KCNG2: variants seen among roughly 807,000 people sequenced by gnomAD.
The protein encoded by KCNG2 is voltage-gated potassium channel regulatory subunit KCNG2.
In KCNG2, 7 loss-of-function variants were observed where a neutral mutation model predicts 12.3. The ratio of observed to expected loss-of-function variants is 0.57; its 90% CI spans 0.32 to 1.07. The LOEUF is 1.07. Ranked by LOEUF, KCNG2 falls within the 50% of genes least tolerant of loss-of-function variation. KCNG2 has a pLI of 0.04. For missense variants in KCNG2, 703 were observed against 726.0 expected (o/e 0.97, Z 0.36); for synonymous variants, 414 against 351.4 (o/e 1.18, Z -1.99).
intron 1 of KCNG2, among the ~76,000 whole-genome samples, chr18:79,839,404 G>A (rs1978393859): frequency 6.6e-6 from 1 of 152,218 alleles, no homozygotes; most frequent in African/African-American, 2.4e-5. Context: ...TGCATACCCT[G>A]TAGACATCAG....
intron 3 of KCNG2, among the ~76,000 whole-genome samples, chr18:79,871,613 T>A (rs1979834165): frequency 6.6e-6 from 1 of 152,036 alleles, no homozygotes; most frequent in Admixed American, 6.5e-5. Flanking sequence ...GAGTGGGCGG[T>A]GCAGGACCAG....
At chr18:79,870,192 C>A (rs543929005) in intron 3 of KCNG2, among the ~76,000 whole-genome samples, 1 of 152,396 alleles carries the variant, frequency 6.6e-6, no homozygotes, top group African/African-American at 2.4e-5. Context: ...ACGAAGCCCC[C>A]CACGTCGAAG....
At chr18:79,859,900 T>A (rs9950045) in intron 2 of KCNG2, among the ~76,000 whole-genome samples, 5,076 of 152,302 alleles carry the variant, frequency 0.033, 310 homozygotes, top group African/African-American at 0.11. Flanking sequence ...AGTAGTAATG[T>A]ACTAGTCCAT....
intron 1 of KCNG2, among the ~76,000 whole-genome samples, chr18:79,821,354 A>G (rs1254967089): frequency 6.8e-6 from 1 of 146,090 alleles, no homozygotes; most frequent in African/African-American, 2.6e-5. Context: ...CAGTGGCGCA[A>G]TCTTGGCTCA....
intron 1 of KCNG2, among the ~76,000 whole-genome samples, chr18:79,814,406 G>A (rs936861374): frequency 3.9e-5 from 6 of 152,256 alleles, no homozygotes; most frequent in Non-Finnish European, 5.9e-5. Flanking sequence ...AATACTCTCA[G>A]TAGAAAGGGA....
chr18:79,888,387 G>A (rs943041414), intron 3 of KCNG2, among the ~76,000 whole-genome samples: 2 of 151,502 alleles, frequency 1.3e-5, no homozygotes, highest in Non-Finnish European at 1.5e-5. Flanking sequence ...TCATGAGGCC[G>A]CGGTGGGGCC....
chr18:79,798,291 C>T (rs1356125782), intron 1 of KCNG2, among the ~76,000 whole-genome samples: 1 of 151,968 alleles, frequency 6.6e-6, no homozygotes, highest in Non-Finnish European at 1.5e-5. Flanking sequence ...AGGGGGGCGT[C>T]GGGCCGGAGG....
rs145222154 is a variant in KCNG2 at position 79,877,270 on chromosome 18, C to T, written c.624+12979C>T. Among the ~76,000 whole-genome samples the T allele has an allele frequency of 2.9e-3, 443 of 152,252 alleles. 1 individual carries two copies. The highest frequency in any genetic ancestry group is 0.01 in the African/African-American group (418 of 41,542). On this transcript the variant is annotated intron_variant, in intron 3 of 3. Transcript: ENST00000316249. ...TTAGGGAGCGAAGGGTTAAAGTCTGCGGACAGAGTCGCTGCTGAGCAAATG... is the reference window on the plus strand; with the variant it reads ...TTAGGGAGCGAAGGGTTAAAGTCTGTGGACAGAGTCGCTGCTGAGCAAATG...
intron 1 of KCNG2, among the ~76,000 whole-genome samples, chr18:79,809,980 T>C (rs1332990172): frequency 2.6e-5 from 4 of 152,236 alleles, no homozygotes; most frequent in Admixed American, 2.0e-4. Context: ...CGTTTGGCTG[T>C]GGGTTCTGGT....
rs147475440 is a variant in KCNG2, at chr18:79,898,526, G to GC, written c.625-511dup. The stretch of plus-strand genomic sequence containing the variant: ...GGCGGAATGTGAGATGCTGATGTCA[G>GC]CCCTTTCTAGGGAAGAAGCCCTCCT... On this transcript the variant is annotated intron_variant, in intron 3 of 3. Transcript: ENST00000316249. Among the ~76,000 whole-genome samples, 1,018 of 152,330 alleles carry GC rather than the reference G, an allele frequency of 6.7e-3. 14 individuals are homozygous for GC. Among genetic ancestry groups the GC allele is most frequent in the African/African-American group, 0.023 (969 of 41,576 alleles).
At chr18:79,837,914 C>T (rs1300392380) in intron 1 of KCNG2, among the ~76,000 whole-genome samples, 1 of 152,202 alleles carries the variant, frequency 6.6e-6, no homozygotes, top group Non-Finnish European at 1.5e-5. Flanking sequence ...TACAGAACTA[C>T]CTGAGACTGG....
intron 1 of KCNG2, among the ~76,000 whole-genome samples, chr18:79,833,054 A>G (rs573440589): frequency 6.6e-6 from 1 of 152,068 alleles, no homozygotes; most frequent in Non-Finnish European, 1.5e-5. Flanking sequence ...AATTTGTATA[A>G]TTTTTTCTTA....
intron 3 of KCNG2, among the ~76,000 whole-genome samples, chr18:79,870,165 C>G (rs910648119): frequency 9.2e-5 from 14 of 152,262 alleles, no homozygotes; most frequent in African/African-American, 3.4e-4. Flanking sequence ...TCTCTTCTCC[C>G]CACCGTCTGC....
chr18:79,891,741 T>C (rs766571919), intron 3 of KCNG2, among the ~76,000 whole-genome samples: 36 of 152,220 alleles, frequency 2.4e-4, no homozygotes, highest in South Asian at 4.1e-4. Flanking sequence ...ATATTTGTAT[T>C]ATTTCTATCC....
chr18:79,873,094 G>A (rs1477712086), intron 3 of KCNG2, among the ~76,000 whole-genome samples: 1 of 152,170 alleles, frequency 6.6e-6, no homozygotes, highest in Non-Finnish European at 1.5e-5. Flanking sequence ...GACAGGATGG[G>A]CAGCAGGGTG....
At chr18:79,848,009 A>G (rs973755496) in intron 1 of KCNG2, among the ~76,000 whole-genome samples, 1 of 152,172 alleles carries the variant, frequency 6.6e-6, no homozygotes, top group South Asian at 2.1e-4. Context: ...GCAGGGGGGA[A>G]TCCTGGGCAA....
At position 79,877,453 on chromosome 18, in the gene KCNG2, T is replaced by G. The variant is rs565315635; in HGVS notation, c.624+13162T>G. On this transcript the variant is annotated intron_variant, in intron 3 of 3. Coordinates refer to ENST00000316249, the MANE Select transcript of KCNG2 (RefSeq NM_012283.2). ...GAAGGCTGAGGATTTGACTACACAC[T>G]AAATAGACCTCAGACCCCAACAGGA... 1.1e-3 allele frequency among the ~76,000 whole-genome samples: 160 copies of G among 152,164 alleles called. 1 individual carries two copies. The highest frequency in any genetic ancestry group is 3.6e-3 in the African/African-American group (151 of 41,516).
intron 3 of KCNG2, among the ~76,000 whole-genome samples, chr18:79,869,377 G>A (rs1015028948): frequency 2.0e-5 from 3 of 152,168 alleles, no homozygotes; most frequent in South Asian, 2.1e-4. Flanking sequence ...ATGCCCGTGC[G>A]TCCCCAGCAG....
chr18:79,863,517 C>A, intron 2 of KCNG2, 111 bp from the exon 3 acceptor site: 3 of 888,118 alleles, frequency 3.4e-6, no homozygotes, highest in Non-Finnish European at 4.3e-6. Context: ...GGAGGGGTCT[C>A]CGAGCTCACC....
Sources: gnomAD v4.1 joint callset for allele counts (sites outside exome capture counted in the v4.1 genomes callset) on GRCh38, gnomAD v4.1.1 for gene constraint, MANE v1.5 for transcripts, NCBI Gene and HGNC (gene_info 2026-07-23, HGNC 2026-07-21) for gene names.